The following B3GLCT variants were observed in gnomAD, a reference collection of about 807,000 sequenced individuals.
The protein encoded by B3GLCT is beta-1,3-glucosyltransferase.
A neutral mutation model predicts 63.4 loss-of-function variants in B3GLCT; 65 were observed. The ratio of observed to expected loss-of-function variants is 1.03; its 90% CI spans 0.84 to 1.26. The LOEUF is 1.26. Ranked by LOEUF, B3GLCT falls within the 50% of genes most tolerant of loss-of-function variation. The pLI is 0.00. For missense variants in B3GLCT, 577 were observed against 604.8 expected (o/e 0.95, Z 0.48); for synonymous variants, 233 against 219.2 (o/e 1.06, Z -0.55).
chr13:31,294,072 G>A (rs747142401), intron 12 of B3GLCT, among the ~76,000 whole-genome samples: 7 of 152,180 alleles, frequency 4.6e-5, no homozygotes, highest in Non-Finnish European at 8.8e-5. Flanking sequence ...ATGAAGTTTA[G>A]TTTGGCTGGA....
chr13:31,253,618 A>AAAAAAAAAAAAAAAAAAAAACAAAC (rs1555249042), intron 6 of B3GLCT, among the ~76,000 whole-genome samples: 2 of 82,266 alleles, frequency 2.4e-5, no homozygotes, highest in Admixed American at 1.5e-4. Flanking sequence ...AAAAAAAAAA[A>AAAAAAAAAAAAAAAAAAAAACAAAC]AAACTAGAGA....
In B3GLCT at chr13:31,212,218, C is replaced by T. The variant is rs568433288; in HGVS notation, c.71-2833C>T. Among the ~76,000 whole-genome samples the T allele has an allele frequency of 1.1e-4, 17 of 150,924 alleles. No homozygotes were observed. The South Asian group carries it at 3.6e-3, about 32-fold the overall frequency. ...TCCTGGGCTCAAAGGATCCTCCCAC[C>T]TTGTCTTCCTAACTAGCTGGGATGA... is the stretch of plus-strand genomic sequence containing the variant. On this transcript the variant is annotated intron_variant, in intron 1 of 14. Coordinates refer to ENST00000343307, the MANE Select transcript of B3GLCT (RefSeq NM_194318.4).
At chr13:31,308,833 A>G (rs1874549201) in intron 12 of B3GLCT, among the ~76,000 whole-genome samples, 1 of 151,952 alleles carries the variant, frequency 6.6e-6, no homozygotes, top group South Asian at 2.1e-4. Flanking sequence ...GTTCCTGCAT[A>G]ATTTTTCCCT....
Position 31,323,815 on chromosome 13 carries a change from G to A in B3GLCT, c.1249G>A (p.Asp417Asn). ...CAGTAAATGTCGATGCTACAGCAAT[G>A]ATGCTCCCGATGATATGGTCCTGGG... ...LASKCRCYSNDAPDDMVLGMC... is the reference protein window; with the variant it reads ...LASKCRCYSNNAPDDMVLGMC... Residue 417 changes from aspartate (D) to asparagine (N), a missense_variant, in exon 14 of 15, where the codon GAT (aspartate) becomes AAT (asparagine). Transcript: ENST00000343307. The A allele has an allele frequency of 3.1e-6, 5 of 1,614,134 alleles. No individual in the cohort carries two copies. Among genetic ancestry groups the A allele is most frequent in the Non-Finnish European group, 4.2e-6 (5 of 1,179,992 alleles).
chr13:31,330,466 T>C lies in B3GLCT; in HGVS notation c.*798T>C, dbSNP rs912896158. On this transcript the variant is annotated 3_prime_UTR_variant, in exon 15 of 15. Coordinates refer to ENST00000343307, the MANE Select transcript of B3GLCT (RefSeq NM_194318.4). ...TCAATATTTTAAAACAATGTTGACA[T>C]GTTTTGTTCAAGTCAGCAAGCTCTA... 4 of 152,150 alleles carry C rather than the reference T, an allele frequency of 2.6e-5. No homozygotes were observed. Among genetic ancestry groups the C allele is most frequent in the Admixed American group, 6.5e-5 (1 of 15,280 alleles). 9.4% of individuals were successfully genotyped at this position (152,150 alleles called of 1,614,324 possible).
intron 12 of B3GLCT, among the ~76,000 whole-genome samples, chr13:31,308,332 T>TAAAAAAAAAATTTAA (rs1491270945): frequency 3.0e-5 from 1 of 32,828 alleles, no homozygotes; most frequent in African/African-American, 7.0e-5. Context: ...TAGAGTATAA[T>TAAAAAAAAAATTTAA]AAAAAAAAAA....
chr13:31,269,411 C>A, intron 8 of B3GLCT, 134 bp downstream of exon 8: 3 of 645,150 alleles, frequency 4.7e-6, no homozygotes, highest in African/African-American at 1.8e-5. Context: ...AATTTCATAG[C>A]ACTCCAGCGA....
intron 7 of B3GLCT, among the ~76,000 whole-genome samples, chr13:31,261,673 A>G (rs1872039908): frequency 6.6e-6 from 1 of 152,202 alleles, no homozygotes; most frequent in South Asian, 2.1e-4. Context: ...CCTTCAGATT[A>G]ATCATTATGT....
At chr13:31,324,005 G>C in intron 14 of B3GLCT, 110 bp downstream of exon 14, 1 of 1,340,284 alleles carries the variant, frequency 7.5e-7, no homozygotes, top group Non-Finnish European at 1.1e-6. Context: ...ACTAAGAACT[G>C]TGTTGACAGG....
intron 6 of B3GLCT, among the ~76,000 whole-genome samples, chr13:31,258,417 C>T (rs1277944311): frequency 1.3e-5 from 2 of 151,954 alleles, no homozygotes; most frequent in African/African-American, 4.8e-5. Context: ...ATCTCCTGTC[C>T]ATCTTCTCTC....
intron 6 of B3GLCT, among the ~76,000 whole-genome samples, chr13:31,260,038 C>T (rs896305117): frequency 2.0e-5 from 3 of 152,080 alleles, no homozygotes; most frequent in Non-Finnish European, 4.4e-5. Flanking sequence ...AGTCTGTGCT[C>T]CTTTCCCCTG....
At chr13:31,234,849 T>C (rs1870569092) in intron 4 of B3GLCT, among the ~76,000 whole-genome samples, 2 of 152,124 alleles carry the variant, frequency 1.3e-5, no homozygotes, top group African/African-American at 4.8e-5. Context: ...TGGTTGAGGA[T>C]TACTACCAGG....
intron 7 of B3GLCT, among the ~76,000 whole-genome samples, chr13:31,261,767 G>A (rs897991800): frequency 6.6e-6 from 1 of 152,178 alleles, no homozygotes; most frequent in South Asian, 2.1e-4. Context: ...ATCATTAAGT[G>A]TCCTGTCTCT....
chr13:31,230,408 AT>A (rs1279686860), intron 4 of B3GLCT, among the ~76,000 whole-genome samples: 1 of 152,236 alleles, frequency 6.6e-6, no homozygotes, highest in East Asian at 1.9e-4. Flanking sequence ...CAAGAGACAT[AT>A]GTGCGTGACA....
intron 10 of B3GLCT, 146 bp from the exon 11 acceptor site, chr13:31,284,502 A>G: frequency 1.5e-6 from 1 of 681,666 alleles, no homozygotes; most frequent in African/African-American, 1.8e-5. Flanking sequence ...GGCATTTCTC[A>G]GGGTTGGAAG....
At chr13:31,235,504 C>T (rs1239609369) in intron 4 of B3GLCT, among the ~76,000 whole-genome samples, 1 of 151,994 alleles carries the variant, frequency 6.6e-6, no homozygotes, top group African/African-American at 2.4e-5. Context: ...GGGATGCTGG[C>T]TACCTGAGGA....
intron 12 of B3GLCT, among the ~76,000 whole-genome samples, chr13:31,287,852 T>C (rs1273548712): frequency 1.3e-5 from 2 of 152,172 alleles, no homozygotes; most frequent in African/African-American, 2.4e-5. Context: ...ACATTCTTGA[T>C]TGAGGTGAAA....
chr13:31,215,032 C>CT lies in B3GLCT; in HGVS notation c.71-5dup, dbSNP rs398022187. 4.6e-4 allele frequency: 570 copies of CT among 1,251,580 alleles called. No homozygotes were observed. Among genetic ancestry groups the CT allele is most frequent in the African/African-American group, 1.1e-3 (71 of 66,532 alleles). 77.5% of individuals were successfully genotyped at this position (1,251,580 alleles called of 1,614,324 possible). Reference sequence around the variant, plus strand: ...TGCTAATTCTAAGGTAGAAATATTTCTTTTTTTTTTTTTTCCAGCTTTTGG... The same window carrying CT: ...TGCTAATTCTAAGGTAGAAATATTTCTTTTTTTTTTTTTTTCCAGCTTTTGG... On this transcript the variant is annotated intron_variant, in intron 1 of 14. Coordinates refer to ENST00000343307, the MANE Select transcript of B3GLCT (RefSeq NM_194318.4).
rs78010801 is a variant in B3GLCT at position 31,311,029 on chromosome 13, A to G, written c.1065-6537A>G. 5.5e-3 allele frequency among the ~76,000 whole-genome samples: 838 copies of G among 152,364 alleles called. 12 individuals are homozygous for G. The highest frequency in any genetic ancestry group is 0.019 in the African/African-American group (805 of 41,590). On this transcript the variant is annotated intron_variant, in intron 12 of 14. Coordinates refer to ENST00000343307, the MANE Select transcript of B3GLCT (RefSeq NM_194318.4). ...TGAGTGAGGCCCCGGCCAGAGGTGC[A>G]GCTGGCCAACCGTGGAGATTTCTGG... is the stretch of plus-strand genomic sequence containing the variant.
Sources: allele counts gnomAD v4.1 joint callset (sites outside exome capture counted in the v4.1 genomes callset), GRCh38; gene constraint gnomAD v4.1.1; transcripts MANE v1.5; gene names NCBI Gene and HGNC (gene_info 2026-07-23, HGNC 2026-07-21).